GAS2: variants seen among roughly 807,000 people sequenced by gnomAD.
GAS2 encodes the protein growth arrest-specific protein 2.
A neutral mutation model predicts 37.5 loss-of-function variants in GAS2; 20 were observed. The ratio of observed to expected loss-of-function variants is 0.53; its 90% CI spans 0.37 to 0.77. GAS2 has a LOEUF of 0.77. GAS2 is among the 30% of genes least tolerant of loss of function. The pLI is 0.00. For missense variants in GAS2, 336 were observed against 373.4 expected (o/e 0.90, Z 0.82); for synonymous variants, 144 against 132.2 (o/e 1.09, Z -0.61).
At chr11:22,638,828 C>T (rs1442105543) in intron 1 of GAS2, among the ~76,000 whole-genome samples, 1 of 152,062 alleles carries the variant, frequency 6.6e-6, no homozygotes, top group Admixed American at 6.6e-5. Flanking sequence ...TAGAATTGGA[C>T]TCCACATCTT....
Position 22,637,232 on chromosome 11 carries a change from AATATTAATTATATTAATAGTATACTAAT to A in GAS2, c.-21+11451_-21+11478del, listed in dbSNP as rs1226969489. Among the ~76,000 whole-genome samples the A allele has an allele frequency of 4.9e-4, 36 of 74,212 alleles. 4 individuals are homozygous for A. Among genetic ancestry groups the A allele is most frequent in the East Asian group, 3.7e-3 (10 of 2,722 alleles). The allele number at this position is 74,212 out of a possible 152,430, so 48.7% of individuals were successfully genotyped here. A position where few individuals can be genotyped will look rare whatever the true frequency, so the allele number is the denominator to read the frequency against. ...ACTTATGTTAATAGTATACTAATAT[AATATTAATTATATTAATAGTATACTAAT>A]ATATTAATTATATTAATAGTATACT... On this transcript the variant is annotated intron_variant, in intron 1 of 5. Transcript: ENST00000528582.
intron 7 of GAS2, among the ~76,000 whole-genome samples, chr11:22,759,118 T>C (rs16910106): frequency 0.11 from 16,127 of 152,086 alleles, 1,143 homozygotes; most frequent in Middle Eastern, 0.17. Flanking sequence ...TCCCTATACA[T>C]TCAAACAGAT....
At chr11:22,749,334 T>A (rs1207210497) in intron 6 of GAS2, 73 bp downstream of exon 6, 1 of 1,342,236 alleles carries the variant, frequency 7.5e-7, no homozygotes, top group African/African-American at 1.5e-5. Flanking sequence ...CTGTGCAATC[T>A]CGTATCAGTC....
intron 1 of GAS2, among the ~76,000 whole-genome samples, chr11:22,629,431 T>A (rs1218009896): frequency 6.6e-6 from 1 of 152,038 alleles, no homozygotes; most frequent in Non-Finnish European, 1.5e-5. Flanking sequence ...CAACAGTGTA[T>A]AAGCATTCCC....
intron 4 of GAS2, among the ~76,000 whole-genome samples, chr11:22,735,295 A>G (rs149376016): frequency 2.0e-5 from 3 of 149,226 alleles, no homozygotes; most frequent in African/African-American, 7.4e-5. Context: ...AACTATTAAC[A>G]TATGAGGTAA....
intron 7 of GAS2, among the ~76,000 whole-genome samples, chr11:22,783,258 T>C (rs978133769): frequency 6.6e-6 from 1 of 152,206 alleles, no homozygotes; most frequent in Non-Finnish European, 1.5e-5. Flanking sequence ...AGGTGTCTAT[T>C]CATGTCTTTT....
intron 3 of GAS2, among the ~76,000 whole-genome samples, chr11:22,687,590 C>T (rs1231729115): frequency 1.3e-5 from 2 of 152,152 alleles, no homozygotes; most frequent in East Asian, 1.9e-4. Flanking sequence ...AAGTTTAATG[C>T]TCTCTCATTT....
intron 7 of GAS2, among the ~76,000 whole-genome samples, chr11:22,795,444 T>C (rs1379961040): frequency 6.6e-6 from 1 of 151,670 alleles, no homozygotes; most frequent in Non-Finnish European, 1.5e-5. Context: ...TTTTACAGGG[T>C]GATTAGGATA....
At chr11:22,691,919 A>G (rs538127376) in intron 3 of GAS2, among the ~76,000 whole-genome samples, 1 of 152,164 alleles carries the variant, frequency 6.6e-6, no homozygotes, top group South Asian at 2.1e-4. Flanking sequence ...TAGCCAAATT[A>G]TTCACCTCCA....
chr11:22,739,852 T>C (rs774300014), intron 5 of GAS2, among the ~76,000 whole-genome samples: 6 of 152,062 alleles, frequency 3.9e-5, no homozygotes, highest in Non-Finnish European at 7.4e-5. Context: ...AAAGTTGTGA[T>C]ACAGAAGTAA....
intron 7 of GAS2, among the ~76,000 whole-genome samples, chr11:22,758,946 A>G (rs1010795797): frequency 1.4e-5 from 2 of 145,578 alleles, no homozygotes; most frequent in East Asian, 2.1e-4. Context: ...CATAGATACA[A>G]GATTCTTTTG....
intron 4 of GAS2, among the ~76,000 whole-genome samples, chr11:22,730,991 A>G (rs982657822): frequency 6.6e-6 from 1 of 151,852 alleles, no homozygotes; most frequent in African/African-American, 2.4e-5. Context: ...TCAGAAATCT[A>G]TACTTTGTTT....
intron 7 of GAS2, among the ~76,000 whole-genome samples, chr11:22,774,086 C>T (rs532372733): frequency 2.6e-5 from 4 of 152,260 alleles, no homozygotes; most frequent in Admixed American, 1.3e-4. Flanking sequence ...CTCCGCCTCC[C>T]GGGTTCAAGC....
intron 2 of GAS2, among the ~76,000 whole-genome samples, chr11:22,683,128 A>G (rs542823114): frequency 1.4e-4 from 21 of 151,446 alleles, no homozygotes; most frequent in Admixed American, 1.2e-3. Flanking sequence ...ACTACTTAAA[A>G]AGTAATTTGT....
rs1421389315 is a variant in GAS2 at position 22,685,799 on chromosome 11, C to T, written c.267+10C>T. On this transcript the variant is annotated intron_variant, in intron 3 of 7. Transcript: ENST00000454584. ...TAACAAGCCCACAAAGGTAAAAGAT[C>T]CCAATGCAAAAATCACTCTTAGGTG... The T allele has an allele frequency of 6.2e-7, 1 of 1,604,600 alleles. No homozygotes were observed. The highest frequency in any genetic ancestry group is 1.3e-5 in the African/African-American group (1 of 74,438).
intron 4 of GAS2, among the ~76,000 whole-genome samples, chr11:22,728,117 A>G (rs1852299638): frequency 6.6e-6 from 1 of 152,052 alleles, no homozygotes; most frequent in Admixed American, 6.6e-5. Context: ...TCATTAAAGA[A>G]GCATTTTCTC....
chr11:22,659,830 A>C (rs541759025), intron 1 of GAS2, among the ~76,000 whole-genome samples: 1 of 150,904 alleles, frequency 6.6e-6, no homozygotes, highest in South Asian at 2.1e-4. Context: ...CAAGGATAGA[A>C]GGAAGAAAGG....
chr11:22,661,324 GATTT>G (rs200705441), intron 1 of GAS2, among the ~76,000 whole-genome samples: 6 of 151,922 alleles, frequency 3.9e-5, no homozygotes, highest in South Asian at 2.1e-4. Flanking sequence ...GTGGTTTTAT[GATTT>G]ATTTATTTAT....
intron 3 of GAS2, among the ~76,000 whole-genome samples, chr11:22,688,910 CTGGCTAAGAAA>C (rs1423178463): frequency 6.6e-6 from 1 of 152,176 alleles, no homozygotes; most frequent in Non-Finnish European, 1.5e-5. Context: ...CAACGGTGGA[CTGGCTAAGAAA>C]ATATGGTCCC....
Sources: allele counts gnomAD v4.1 joint callset (sites outside exome capture counted in the v4.1 genomes callset), GRCh38; gene constraint gnomAD v4.1.1; transcripts MANE v1.5; gene names NCBI Gene and HGNC (gene_info 2026-07-23, HGNC 2026-07-21).